The following APOO variants were observed in gnomAD, a reference collection of about 807,000 sequenced individuals.
APOO encodes MICOS complex subunit MIC26.
APOO carries 11 observed loss-of-function variants against 23.1 expected under a neutral mutation model. The ratio of observed to expected loss-of-function variants is 0.48; its 90% CI spans 0.30 to 0.79. The LOEUF is 0.79. Ranked by LOEUF, APOO falls within the 30% of genes least tolerant of loss-of-function variation. The probability of loss-of-function intolerance (pLI) is 0.07; values close to 1 mark genes in which losing one functional copy is unlikely to be tolerated. For synonymous variants in APOO, 59 were observed against 54.8 expected (o/e 1.08, Z -0.34); for missense variants, 160 against 142.7 (o/e 1.12, Z -0.62).
chrX:23,847,092 A>G (rs1349796001), intron 7 of APOO, among the ~76,000 whole-genome samples: 1 of 111,573 alleles, frequency 9.0e-6, no homozygotes, highest in Non-Finnish European at 1.9e-5. Context: ...AAGATGCTCA[A>G]TCAGGGCAAT....
At chrX:23,900,129 A>G (rs764616003) in intron 1 of APOO, among the ~76,000 whole-genome samples, 1 of 112,641 alleles carries the variant, frequency 8.9e-6, no homozygotes, top group South Asian at 3.6e-4. Context: ...CCAAATGAGA[A>G]GTGAAATAAC....
chrX:23,879,541 G>T (rs1225647485), intron 2 of APOO, among the ~76,000 whole-genome samples: 1 of 112,441 alleles, frequency 8.9e-6, no homozygotes, highest in Non-Finnish European at 1.9e-5. Context: ...AATCAACGAG[G>T]CCAAGGCCAA....
At chrX:23,871,197 CAA>C (rs34502498) in intron 4 of APOO, among the ~76,000 whole-genome samples, 10 of 83,593 alleles carry the variant, frequency 1.2e-4, no homozygotes, top group Admixed American at 1.4e-4. Context: ...CTAAAAATAC[CAA>C]AAAAAAAAAA....
chrX:23,874,060 C>T (rs1184628071), intron 4 of APOO, among the ~76,000 whole-genome samples: 2 of 112,365 alleles, frequency 1.8e-5, no homozygotes, highest in South Asian at 3.6e-4. Context: ...AATTGCAATG[C>T]AAATGAGCTA....
intron 5 of APOO, among the ~76,000 whole-genome samples, chrX:23,859,789 C>G (rs1005703628): frequency 9.0e-6 from 1 of 111,717 alleles, no homozygotes; most frequent in Non-Finnish European, 1.9e-5. Context: ...ATATACGGTC[C>G]TTTGTGACTG....
intron 1 of APOO, among the ~76,000 whole-genome samples, chrX:23,896,306 G>T (rs1239035270): frequency 9.0e-6 from 1 of 110,657 alleles, no homozygotes; most frequent in East Asian, 2.8e-4. Flanking sequence ...GTTGTCTATA[G>T]GTGGTGATAT....
intron 8 of APOO, 47 bp downstream of exon 8, chrX:23,840,266 T>G: frequency 1.3e-6 from 1 of 759,259 alleles, no homozygotes; most frequent in East Asian, 3.6e-5. Flanking sequence ...TCATTTCAGC[T>G]GGCACTACAA....
At chrX:23,860,103 A>G (rs1032152466) in intron 5 of APOO, among the ~76,000 whole-genome samples, 1 of 111,518 alleles carries the variant, frequency 9.0e-6, no homozygotes, top group Non-Finnish European at 1.9e-5. Flanking sequence ...TGGAGAGTGA[A>G]CGGAAATAAG....
intron 3 of APOO, among the ~76,000 whole-genome samples, chrX:23,876,260 C>T (rs1443904984): frequency 2.8e-5 from 3 of 107,220 alleles, no homozygotes; most frequent in Non-Finnish European, 3.8e-5. Context: ...GAGACTCCGT[C>T]TCAAAAAAAT....
intron 2 of APOO, 104 bp from the exon 3 acceptor site, chrX:23,879,138 A>G: frequency 1.0e-6 from 1 of 966,792 alleles, no homozygotes. Context: ...TAATTCATGA[A>G]TTACAGTGAC....
chrX:23,868,083 TA>T (rs1390020196), intron 5 of APOO, among the ~76,000 whole-genome samples: 16 of 112,558 alleles, frequency 1.4e-4, no homozygotes, highest in African/African-American at 4.8e-4. Context: ...CAAAGTATTT[TA>T]TTAGCCTTTA....
chrX:23,887,016 A>G (rs1164213763), intron 1 of APOO, among the ~76,000 whole-genome samples: 5 of 110,472 alleles, frequency 4.5e-5, no homozygotes, highest in Non-Finnish European at 9.5e-5. Context: ...AGTTCTTTGA[A>G]GAAACACAAT....
At chrX:23,904,515 T>TG (rs1433525086) in intron 1 of APOO, among the ~76,000 whole-genome samples, 6 of 101,976 alleles carry the variant, frequency 5.9e-5, no homozygotes, top group African/African-American at 1.8e-4. Context: ...TTTTTTTTTT[T>TG]TTTTTTTTTT....
In APOO at chrX:23,907,849, T is replaced by C. The variant is rs1927445077; in HGVS notation, c.-147A>G. 5 of 621,022 alleles carry C rather than the reference T, an allele frequency of 8.1e-6. No homozygotes were observed. In the South Asian group the frequency reaches 2.2e-4, roughly 27 times the overall value. The allele number at this position is 621,022 out of a possible 1,213,427, so 51.2% of individuals were successfully genotyped here. ...GGTGACGGCCGTACTGCAAACTCGG[T>C]GCGGCGAAGGTTTAGTTCAATCACC... On this transcript the variant is annotated 5_prime_UTR_variant, in exon 1 of 9. Coordinates refer to ENST00000379226, the MANE Select transcript of APOO (RefSeq NM_024122.5).
chrX:23,894,321 T>A (rs1926804925), intron 1 of APOO, among the ~76,000 whole-genome samples: 1 of 109,079 alleles, frequency 9.2e-6, no homozygotes, highest in African/African-American at 3.3e-5. Flanking sequence ...ATTTTTGTAT[T>A]TTTAGTAGAG....
At chrX:23,837,088 T>C in intron 8 of APOO, 1 of 760,638 alleles carries the variant, frequency 1.3e-6, no homozygotes, top group South Asian at 2.2e-5. Flanking sequence ...GATCATGTTC[T>C]GTACATGACT....
intron 5 of APOO, among the ~76,000 whole-genome samples, chrX:23,860,820 C>T (rs73485520): frequency 0.09 from 9,119 of 100,823 alleles, 1,030 homozygotes; most frequent in African/African-American, 0.29. Flanking sequence ...GTACGCCCAG[C>T]CCCCCATCTC....
chrX:23,868,902 TTTTC>T (rs1276767537), intron 4 of APOO, among the ~76,000 whole-genome samples: 10 of 108,745 alleles, frequency 9.2e-5, no homozygotes, highest in East Asian at 2.8e-4. Context: ...TCCAATTTTC[TTTTC>T]TTTCTTTTTT....
At chrX:23,875,838 G>A (rs1925822945) in intron 3 of APOO, among the ~76,000 whole-genome samples, 1 of 111,089 alleles carries the variant, frequency 9.0e-6, no homozygotes, top group African/African-American at 3.3e-5. Flanking sequence ...ACTGAGTATC[G>A]CTTCATTAAA....
Sources: gnomAD v4.1 joint callset for allele counts (sites outside exome capture counted in the v4.1 genomes callset) on GRCh38, gnomAD v4.1.1 for gene constraint, MANE v1.5 for transcripts, NCBI Gene and HGNC (gene_info 2026-07-23, HGNC 2026-07-21) for gene names.